The following BCAT1 variants were observed in gnomAD, a reference collection of about 807,000 sequenced individuals.
The protein encoded by BCAT1 is branched-chain-amino-acid aminotransferase, cytosolic.
A neutral mutation model predicts 52.4 loss-of-function variants in BCAT1; 48 were observed. The observed-to-expected ratio is 0.92, with a 90% CI of 0.73 to 1.16. The LOEUF (loss-of-function observed/expected upper bound fraction) is 1.16, where lower values mean the gene tolerates loss of function less well. Ranked by LOEUF, BCAT1 falls within the 50% of genes most tolerant of loss-of-function variation. The pLI is 0.00. For missense variants in BCAT1, 451 were observed against 457.1 expected, an observed-to-expected ratio of 0.99 and a Z score of 0.12; for synonymous variants, 167 against 161.3, an observed-to-expected ratio of 1.04 and a Z score of -0.27.
intron 1 of BCAT1, chr12:24,902,951 C>A (rs946111042): frequency 2.4e-5 from 36 of 1,506,706 alleles, no homozygotes; most frequent in Admixed American, 6.2e-5. Context: ...AGGTACCTGG[C>A]GGGCAAGGGC....
At chr12:24,847,776 G>C (rs2139456250) in intron 6 of BCAT1, among the ~76,000 whole-genome samples, 1 of 152,264 alleles carries the variant, frequency 6.6e-6, no homozygotes, top group South Asian at 2.1e-4. Flanking sequence ...CTCTGCCCTA[G>C]ATTCACTTAG....
chr12:24,937,105 G>A (rs1943769770), intron 1 of BCAT1, among the ~76,000 whole-genome samples: 1 of 152,156 alleles, frequency 6.6e-6, no homozygotes, highest in Admixed American at 6.5e-5. Context: ...GGAAGAGTCA[G>A]ATATCAATCC....
intron 5 of BCAT1, among the ~76,000 whole-genome samples, chr12:24,867,675 C>T (rs1942064862): frequency 6.6e-6 from 1 of 152,150 alleles, no homozygotes; most frequent in Admixed American, 6.6e-5. Flanking sequence ...AAAGCAACAA[C>T]CAAGCCCTCT....
rs991591079 is a variant in BCAT1, at chr12:24,949,016, T to G, written c.-84A>C. ...AGCCCCTGGCCGTGTGGACCGGGTC[T>G]GCGGCTGCAGAGCGCGGTCCCGGCT... On this transcript the variant is annotated 5_prime_UTR_variant, in exon 1 of 11. Transcript: ENST00000261192. The G allele has an allele frequency of 6.8e-7, 1 of 1,470,984 alleles. No homozygotes were observed. Among genetic ancestry groups the G allele is most frequent in the Non-Finnish European group, 9.3e-7 (1 of 1,076,462 alleles). 91.1% of individuals were successfully genotyped at this position (1,470,984 alleles called of 1,614,324 possible). A position where few individuals can be genotyped will look rare whatever the true frequency, so the allele number is the denominator to read the frequency against.
At chr12:24,830,997 C>T (rs1038424153) in intron 9 of BCAT1, among the ~76,000 whole-genome samples, 2 of 152,134 alleles carry the variant, frequency 1.3e-5, no homozygotes, top group Admixed American at 6.6e-5. Context: ...GTGGAGTTTG[C>T]ATTTACGGTT....
At chr12:24,832,638 C>A in intron 9 of BCAT1, 85 bp downstream of exon 9, 1 of 1,408,130 alleles carries the variant, frequency 7.1e-7, no homozygotes, top group Admixed American at 2.6e-5. Flanking sequence ...GGTCTGGGTC[C>A]AGATACAATT....
In BCAT1 at chr12:24,814,820, T is replaced by C. The variant is rs868438502; in HGVS notation, c.*3188A>G. 2.9e-5 allele frequency: 4 copies of C among 137,306 alleles called. No individual in the cohort carries two copies. Among genetic ancestry groups the C allele is most frequent in the Non-Finnish European group, 6.4e-5 (4 of 62,232 alleles). The allele number at this position is 137,306 out of a possible 1,614,324, so 8.5% of individuals were successfully genotyped here. A position where few individuals can be genotyped will look rare whatever the true frequency, so the allele number is the denominator to read the frequency against. On this transcript the variant is annotated 3_prime_UTR_variant, in exon 11 of 11. Transcript: ENST00000261192. ...TCTGTTTGTTTTTTTTTTTTTTTTT[T>C]GTCTTACATTTTTTCTTACAGCAAT...
chr12:24,877,848 T>A (rs1942390398), intron 5 of BCAT1, among the ~76,000 whole-genome samples: 2 of 152,174 alleles, frequency 1.3e-5, no homozygotes, highest in African/African-American at 4.8e-5. Context: ...AGTACTAAAA[T>A]GGCAGAGTTT....
intron 1 of BCAT1, among the ~76,000 whole-genome samples, chr12:24,909,482 G>A (rs1197078831): frequency 6.6e-6 from 1 of 152,208 alleles, no homozygotes; most frequent in Non-Finnish European, 1.5e-5. Flanking sequence ...GTAACAAAGT[G>A]CCACAAACTG....
At position 24,813,026 on chromosome 12, in the gene BCAT1, A is replaced by C. The variant is rs1939740669; in HGVS notation, c.*4982T>G. On this transcript the variant is annotated 3_prime_UTR_variant, in exon 11 of 11. Coordinates refer to ENST00000261192, the MANE Select transcript of BCAT1 (RefSeq NM_005504.7). The stretch of plus-strand genomic sequence containing the variant: ...CAATACTTGTATCCAGCAGATTTGA[A>C]AGGGCACTTCAAATTTGTTCTTCTT... 6.6e-6 allele frequency: 1 copy of C among 152,018 alleles called. No homozygotes were observed. Among genetic ancestry groups the C allele is most frequent in the South Asian group, 2.1e-4 (1 of 4,830 alleles). The allele number at this position is 152,018 out of a possible 1,614,324, so 9.4% of individuals were successfully genotyped here. A position where few individuals can be genotyped will look rare whatever the true frequency, so the allele number is the denominator to read the frequency against.
At chr12:24,900,245 TC>T (rs1318730316) in intron 2 of BCAT1, among the ~76,000 whole-genome samples, 1 of 152,172 alleles carries the variant, frequency 6.6e-6, no homozygotes, top group Non-Finnish European at 1.5e-5. Context: ...AACAGGCAAT[TC>T]CCCTAAATAA....
chr12:24,844,894 CAAAAA>C (rs11318750), intron 6 of BCAT1, among the ~76,000 whole-genome samples: 86 of 35,996 alleles, frequency 2.4e-3, no homozygotes, highest in African/African-American at 6.6e-3. Flanking sequence ...GAGACTGTCT[CAAAAA>C]AAAAAAAAAA....
At chr12:24,824,276 C>T (rs11047657) in intron 10 of BCAT1, among the ~76,000 whole-genome samples, 122,061 of 143,246 alleles carry the variant, frequency 0.85, 51,724 homozygotes, top group Admixed American at 0.88. Flanking sequence ...CATTCCCTCC[C>T]TCCCTCCCTC....
At chr12:24,931,027 C>G (rs1179560969) in intron 1 of BCAT1, among the ~76,000 whole-genome samples, 2 of 151,516 alleles carry the variant, frequency 1.3e-5, no homozygotes, top group East Asian at 3.9e-4. Context: ...CTCAGCCTCC[C>G]AAGTAGCTGG....
intron 1 of BCAT1, among the ~76,000 whole-genome samples, chr12:24,939,404 A>G (rs1943816295): frequency 6.6e-6 from 1 of 152,234 alleles, no homozygotes; most frequent in Non-Finnish European, 1.5e-5. Flanking sequence ...AATGGTTACT[A>G]TGAATCATTA....
intron 10 of BCAT1, among the ~76,000 whole-genome samples, chr12:24,827,053 T>G (rs1453882252): frequency 6.6e-6 from 1 of 152,170 alleles, no homozygotes; most frequent in African/African-American, 2.4e-5. Context: ...CTTTAGGTTT[T>G]TCTAGGTGTA....
intron 8 of BCAT1, 120 bp from the exon 9 acceptor site, chr12:24,832,983 T>G: frequency 8.9e-7 from 1 of 1,120,094 alleles, no homozygotes; most frequent in Non-Finnish European, 1.2e-6. Flanking sequence ...CAATCATCCT[T>G]TAAGGGAAAG....
intron 1 of BCAT1, among the ~76,000 whole-genome samples, chr12:24,947,982 C>T (rs1943959091): frequency 6.6e-6 from 1 of 152,238 alleles, no homozygotes; most frequent in Non-Finnish European, 1.5e-5. Flanking sequence ...GCGCTATTTA[C>T]ATATTATTTC....
At chr12:24,855,557 T>A (rs1177778941) in intron 5 of BCAT1, among the ~76,000 whole-genome samples, 1 of 151,850 alleles carries the variant, frequency 6.6e-6, no homozygotes, top group Non-Finnish European at 1.5e-5. Context: ...GTTTTTGTAT[T>A]TTTAGTAGAG....
Sources: gnomAD v4.1 joint callset for allele counts (sites outside exome capture counted in the v4.1 genomes callset) on GRCh38, gnomAD v4.1.1 for gene constraint, MANE v1.5 for transcripts, NCBI Gene and HGNC (gene_info 2026-07-23, HGNC 2026-07-21) for gene names.